The following TRMT11 variants were observed in gnomAD, a reference collection of about 807,000 sequenced individuals.
The protein encoded by TRMT11 is tRNA methyltransferase 11.
TRMT11 carries 53 observed loss-of-function variants against 62.8 expected under a neutral mutation model. That is an observed-to-expected ratio of 0.84 (90% CI 0.68 to 1.06). TRMT11 has a LOEUF of 1.06. TRMT11 is among the 50% of genes least tolerant of loss of function. TRMT11 has a pLI of 0.00. For synonymous variants in TRMT11, 188 were observed against 190.3 expected (o/e 0.99, Z 0.10); for missense variants, 556 against 553.4 (o/e 1.00, Z -0.05).
chr6:126,047,269 A>G (rs1399086547), intron 16 of TRMT11, among the ~76,000 whole-genome samples: 1 of 151,382 alleles, frequency 6.6e-6, no homozygotes, highest in African/African-American at 2.4e-5. Context: ...TTGGCCTGCC[A>G]TGCCCCCTTA....
At chr6:126,053,509 A>G (rs1776276563) in intron 17 of TRMT11, among the ~76,000 whole-genome samples, 1 of 152,202 alleles carries the variant, frequency 6.6e-6, no homozygotes, top group African/African-American at 2.4e-5. Context: ...GCCAGGTACC[A>G]GGTAACTTAG....
intron 17 of TRMT11, among the ~76,000 whole-genome samples, chr6:126,063,548 C>T (rs1012237282): frequency 1.7e-4 from 26 of 152,216 alleles, no homozygotes; most frequent in African/African-American, 6.3e-4. Context: ...TTACAACAGA[C>T]ATTTCTGCTT....
chr6:126,150,216 G>A (rs1778022963), intron 21 of TRMT11, among the ~76,000 whole-genome samples: 1 of 152,090 alleles, frequency 6.6e-6, no homozygotes, highest in African/African-American at 2.4e-5. Flanking sequence ...AGTACACTTA[G>A]CCCCCTCACT....
intron 17 of TRMT11, among the ~76,000 whole-genome samples, chr6:126,076,674 G>A (rs1158092316): frequency 4.6e-5 from 7 of 152,066 alleles, no homozygotes; most frequent in African/African-American, 1.7e-4. Flanking sequence ...ACTGATTATA[G>A]CCTCTACCTT....
At chr6:126,060,368 T>G (rs1232972582) in intron 17 of TRMT11, among the ~76,000 whole-genome samples, 2 of 152,216 alleles carry the variant, frequency 1.3e-5, no homozygotes, top group Admixed American at 1.3e-4. Flanking sequence ...ATCCGCTGTT[T>G]CTTTTTAAAT....
intron 1 of TRMT11, among the ~76,000 whole-genome samples, chr6:125,988,344 T>G (rs1019560207): frequency 6.6e-6 from 1 of 152,132 alleles, no homozygotes; most frequent in Non-Finnish European, 1.5e-5. Flanking sequence ...TGTCCTTAGC[T>G]AGAGCATAAG....
downstream of TRMT11, among the ~76,000 whole-genome samples, chr6:126,204,141 T>TAAA (rs762113742): frequency 2.0e-4 from 31 of 152,222 alleles, no homozygotes; most frequent in Non-Finnish European, 3.7e-4. Flanking sequence ...AATTATAAGT[T>TAAA]AAAAAGATTC....
chr6:126,058,397 A>G (rs961556549), intron 17 of TRMT11, among the ~76,000 whole-genome samples: 3 of 152,208 alleles, frequency 2.0e-5, no homozygotes, highest in African/African-American at 7.2e-5. Flanking sequence ...GCTATTGTGA[A>G]CAGTGCTGCA....
At chr6:126,021,377 C>G (rs1292204830) in intron 12 of TRMT11, 97 bp downstream of exon 12, 1 of 1,396,298 alleles carries the variant, frequency 7.2e-7, no homozygotes, top group Non-Finnish European at 9.8e-7. Context: ...AATGTTATTC[C>G]TTGATATTTT....
chr6:126,049,566 AT>A (rs926136920), intron 16 of TRMT11, among the ~76,000 whole-genome samples: 4 of 151,426 alleles, frequency 2.6e-5, no homozygotes, highest in African/African-American at 9.7e-5. Context: ...TCTATTGGTG[AT>A]TGGTTGATGT....
intron 21 of TRMT11, among the ~76,000 whole-genome samples, chr6:126,152,609 A>G (rs1226011363): frequency 3.9e-5 from 6 of 152,206 alleles, no homozygotes; most frequent in African/African-American, 1.4e-4. Context: ...TACAGAGATG[A>G]TATTAACTGT....
At chr6:126,045,684 A>G (rs1776035981) in intron 16 of TRMT11, among the ~76,000 whole-genome samples, 1 of 152,132 alleles carries the variant, frequency 6.6e-6, no homozygotes, top group South Asian at 2.1e-4. Flanking sequence ...CCCCACTATA[A>G]CAATTAGTAC....
At chr6:126,133,280 C>T (rs759854527) in intron 21 of TRMT11, among the ~76,000 whole-genome samples, 18 of 151,878 alleles carry the variant, frequency 1.2e-4, no homozygotes, top group Non-Finnish European at 1.5e-4. Context: ...ATCTTTATTT[C>T]GCAGTTAAGT....
chr6:126,008,769 G>T, intron 8 of TRMT11: 1 of 557,062 alleles, frequency 1.8e-6, no homozygotes, highest in Non-Finnish European at 3.4e-6. Context: ...TAGGCTGTTA[G>T]TAGTTAAGTT....
At chr6:126,144,211 T>A (rs904443709) in intron 21 of TRMT11, among the ~76,000 whole-genome samples, 14 of 152,216 alleles carry the variant, frequency 9.2e-5, no homozygotes, top group African/African-American at 3.4e-4. Context: ...TCCTTAGCTT[T>A]AAACATTGTT....
At chr6:125,987,614 T>G (rs1051934602) in intron 1 of TRMT11, among the ~76,000 whole-genome samples, 1 of 152,172 alleles carries the variant, frequency 6.6e-6, no homozygotes, top group African/African-American at 2.4e-5. Context: ...GTGGGAATAG[T>G]CTTGTTAATA....
chr6:126,117,079 G>C (rs541417913), intron 21 of TRMT11, among the ~76,000 whole-genome samples: 3 of 152,164 alleles, frequency 2.0e-5, no homozygotes, highest in African/African-American at 7.2e-5. Context: ...AAATTGGTGG[G>C]CCAAACAATA....
chr6:126,191,464 CT>C (rs77414207), intron 1 of TRMT11, among the ~76,000 whole-genome samples: 5,439 of 102,390 alleles, frequency 0.053, 194 homozygotes, highest in African/African-American at 0.17. Context: ...TCCTACTTGT[CT>C]TTTTTTTTTT....
intron 21 of TRMT11, among the ~76,000 whole-genome samples, chr6:126,139,113 T>C (rs1299933250): frequency 1.3e-5 from 2 of 152,012 alleles, no homozygotes; most frequent in Admixed American, 6.6e-5. Context: ...ATAATTCTAA[T>C]TTTAAGAAAT....
Sources: gnomAD v4.1 joint callset for allele counts (sites outside exome capture counted in the v4.1 genomes callset) on GRCh38, gnomAD v4.1.1 for gene constraint, MANE v1.5 for transcripts, NCBI Gene and HGNC (gene_info 2026-07-23, HGNC 2026-07-21) for gene names.